The following TPO variants were observed in gnomAD, a reference collection of about 807,000 sequenced individuals.
TPO encodes the protein thyroid peroxidase, also known as thyroid microsomal antigen.
Under a neutral mutation model 96.9 loss-of-function variants are expected in TPO, and 78 were observed. The ratio of observed to expected loss-of-function variants is 0.81; its 90% CI spans 0.67 to 0.97. The LOEUF is 0.97. TPO is among the 50% of genes least tolerant of loss of function. The pLI, the probability that TPO is intolerant of heterozygous loss-of-function variation, is 0.00. For synonymous variants in TPO, 547 were observed against 538.0 expected (o/e 1.02, Z -0.23); for missense variants, 1,252 against 1,274.8 (o/e 0.98, Z 0.27).
chr2:1,529,677 G>C (rs1178205657), intron 15 of TPO, among the ~76,000 whole-genome samples: 5 of 72,376 alleles, frequency 6.9e-5, no homozygotes, highest in African/African-American at 1.2e-4. Context: ...CCCACTGTGT[G>C]CAACCTCCTC....
intron 7 of TPO, among the ~76,000 whole-genome samples, chr2:1,469,194 A>G (rs903852703): frequency 6.6e-6 from 1 of 152,018 alleles, no homozygotes; most frequent in African/African-American, 2.4e-5. Flanking sequence ...AACCTTCTGA[A>G]TTCTTTTTCA....
intron 14 of TPO, among the ~76,000 whole-genome samples, chr2:1,506,108 T>C (rs1439070083): frequency 2.0e-5 from 3 of 152,004 alleles, no homozygotes; most frequent in Admixed American, 1.3e-4. Context: ...CATTGTTCAA[T>C]TCTCACCTAT....
chr2:1,433,519 T>A lies in TPO; in HGVS notation c.261T>A (p.Ile87=). 1.2e-6 allele frequency: 2 copies of A among 1,614,248 alleles called. No homozygotes were observed. The highest frequency in any genetic ancestry group is 1.7e-6 in the Non-Finnish European group (2 of 1,180,046). Residue 87 remains isoleucine (I), a synonymous_variant, in exon 4 of 17, where the codon ATT becomes ATA. Transcript: ENST00000329066. ...TTCCTGAGCCAACAAGCGGAGTGAT[T>A]GCCCGAGCAGCAGAGATAATGGAAA... ...SKLPEPTSGV[I]ARAAEIMETS...
At chr2:1,387,441 CTCACT>C (rs1310787071) in intron 1 of TPO, among the ~76,000 whole-genome samples, 1 of 152,180 alleles carries the variant, frequency 6.6e-6, no homozygotes, top group African/African-American at 2.4e-5. Flanking sequence ...AACTTCTCTT[CTCACT>C]TCACTTCATT....
In TPO at chr2:1,504,056, G is replaced by T. The variant is rs1171923046; in HGVS notation, c.2495G>T (p.Gly832Val). The T allele has an allele frequency of 1.2e-6, 2 of 1,614,086 alleles. No homozygotes were observed. The highest frequency in any genetic ancestry group is 1.7e-6 in the Non-Finnish European group (2 of 1,180,050). ...QCLCADPYEL[G>V]DDGRTCVDSG... Reference sequence around the variant, plus strand: ...CTCTGCGCGGACCCCTACGAGTTAGGAGACGATGGGAGAACCTGCGTAGGT... The same window carrying T: ...CTCTGCGCGGACCCCTACGAGTTAGTAGACGATGGGAGAACCTGCGTAGGT... Residue 832 changes from glycine to valine, a missense_variant, in exon 14 of 17, where the codon GGA becomes GTA. Transcript: ENST00000329066.
chr2:1,386,395 A>C (rs1661895860), intron 1 of TPO, among the ~76,000 whole-genome samples: 1 of 152,078 alleles, frequency 6.6e-6, no homozygotes, highest in African/African-American at 2.4e-5. Context: ...AATCTGGGCG[A>C]TCCTGTATTA....
rs1054138837 is a variant in TPO at position 1,484,690 on chromosome 2, A to G, written c.1433A>G (p.Asn478Ser). ...TATGAAGGCTATGACTCCACCGCCA[A>G]CCCCACTGTGTCCAACGTGTTCTCC... is the stretch of plus-strand genomic sequence containing the variant. Reference protein sequence around the residue: ...GPYEGYDSTANPTVSNVFSTA... With the variant: ...GPYEGYDSTASPTVSNVFSTA... The change falls in exon 9 of 17, where the codon AAC becomes AGC. Residue 478 changes from asparagine to serine, a missense_variant. Physicochemically the swap from Asn to Ser is conservative, Grantham distance 46. Transcript: ENST00000329066. 1 of 1,613,788 alleles carries G rather than the reference A, an allele frequency of 6.2e-7. No individual in the cohort carries two copies. The highest frequency in any genetic ancestry group is 1.3e-5 in the African/African-American group (1 of 74,940).
At chr2:1,429,093 A>C (rs1280343572) in intron 3 of TPO, among the ~76,000 whole-genome samples, 1 of 152,198 alleles carries the variant, frequency 6.6e-6, no homozygotes, top group Admixed American at 6.5e-5. Context: ...ATGTACATGA[A>C]GTTATTTCTA....
Position 1,542,699 on chromosome 2 carries a change from C to T in TPO, c.*225C>T, listed in dbSNP as rs1680897490. Reference sequence around the variant, plus strand: ...ATTGCCTGATTTGTTCCTTCTGGGGCTTTGCCATTAAAATGTATTTACAGA... The same window carrying T: ...ATTGCCTGATTTGTTCCTTCTGGGGTTTTGCCATTAAAATGTATTTACAGA... On this transcript the variant is annotated 3_prime_UTR_variant, in exon 17 of 17. Transcript: ENST00000329066. The T allele has an allele frequency of 7.4e-7, 1 of 1,345,332 alleles. No homozygotes were observed. Among genetic ancestry groups the T allele is most frequent in the South Asian group, 1.4e-5 (1 of 70,246 alleles). 83.3% of individuals were successfully genotyped at this position (1,345,332 alleles called of 1,614,324 possible). A position where few individuals can be genotyped will look rare whatever the true frequency, so the allele number is the denominator to read the frequency against.
chr2:1,396,003 C>G (rs1249872077), intron 1 of TPO, among the ~76,000 whole-genome samples: 1 of 152,204 alleles, frequency 6.6e-6, no homozygotes. Context: ...TGAAAACAGA[C>G]TAATACAATG....
At chr2:1,472,761 T>C (rs10171105) in intron 7 of TPO, among the ~76,000 whole-genome samples, 97,788 of 147,192 alleles carry the variant, frequency 0.66, 32,910 homozygotes, top group African/African-American at 0.81. Flanking sequence ...TACCCCTTAC[T>C]CACATTCGCC....
rs1399984389 is a variant in TPO, at chr2:1,534,427, A to T, written c.2619-6167A>T. ...CCCCAAATCCGCCCCCACCCTGTGCAGCCTCACAAAATTACCCCCAGTGCA... is the reference window on the plus strand; with the variant it reads ...CCCCAAATCCGCCCCCACCCTGTGCTGCCTCACAAAATTACCCCCAGTGCA... On this transcript the variant is annotated intron_variant, in intron 15 of 16. Coordinates refer to ENST00000329066, the MANE Select transcript of TPO (RefSeq NM_001206744.2). 8.3e-5 allele frequency among the ~76,000 whole-genome samples: 7 copies of T among 84,056 alleles called. 1 individual carries two copies. The highest frequency in any genetic ancestry group is 1.6e-4 in the Non-Finnish European group (7 of 43,430). The allele number at this position is 84,056 out of a possible 152,430, so 55.1% of individuals were successfully genotyped here. A position where few individuals can be genotyped will look rare whatever the true frequency, so the allele number is the denominator to read the frequency against.
intron 3 of TPO, among the ~76,000 whole-genome samples, chr2:1,425,609 G>A (rs1336337617): frequency 1.3e-5 from 2 of 152,146 alleles, no homozygotes; most frequent in Non-Finnish European, 2.9e-5. Flanking sequence ...CTAGATGCCA[G>A]GATACAGAGA....
chr2:1,432,303 G>T (rs1338349237), intron 3 of TPO, among the ~76,000 whole-genome samples: 1 of 152,284 alleles, frequency 6.6e-6, no homozygotes, highest in Non-Finnish European at 1.5e-5. Context: ...GATCCACCCA[G>T]GTGTTGGCAG....
rs3036105 is a variant in TPO at position 1,480,559 on chromosome 2, T to TACACACACACACACACACACACAC, written c.1338+2978_1338+3001dup. Among the ~76,000 whole-genome samples, 51 of 44,358 alleles carry TACACACACACACACACACACACAC rather than the reference T, an allele frequency of 1.1e-3. 2 individuals carry two copies. The highest frequency in any genetic ancestry group is 1.5e-3 in the Non-Finnish European group (36 of 24,628). The allele number at this position is 44,358 out of a possible 152,430, so 29.1% of individuals were successfully genotyped here. ...CCCCTCTATCACCCCTCAAACCCCC[T>TACACACACACACACACACACACAC]ACACACACACACACACACACACACA... On this transcript the variant is annotated intron_variant, in intron 8 of 16. Transcript: ENST00000329066.
At chr2:1,502,105 G>A (rs1489164557) in intron 13 of TPO, among the ~76,000 whole-genome samples, 1 of 151,970 alleles carries the variant, frequency 6.6e-6, no homozygotes, top group African/African-American at 2.4e-5. Context: ...AGCGTTCATG[G>A]GTGATGACTT....
chr2:1,388,825 A>C (rs1041011436), intron 1 of TPO, among the ~76,000 whole-genome samples: 1 of 152,116 alleles, frequency 6.6e-6, no homozygotes, highest in Admixed American at 6.6e-5. Flanking sequence ...TGTAGACTGG[A>C]GCTCTTCCTA....
Position 1,443,571 on chromosome 2 carries a change from G to T in TPO, c.482+7187G>T, listed in dbSNP as rs187499138. Among the ~76,000 whole-genome samples, 325 of 148,966 alleles carry T rather than the reference G, an allele frequency of 2.2e-3. 1 individual carries two copies. In the Middle Eastern group the frequency reaches 0.026, roughly 12 times the overall value. On this transcript the variant is annotated intron_variant, in intron 5 of 16. Coordinates refer to ENST00000329066, the MANE Select transcript of TPO (RefSeq NM_001206744.2). Reference sequence around the variant, plus strand: ...CACCATGTTGGAAGGGAAAGGGCAGGCTCCTTCTTGTTTGTATGATCCAGT... The same window carrying T: ...CACCATGTTGGAAGGGAAAGGGCAGTCTCCTTCTTGTTTGTATGATCCAGT...
intron 15 of TPO, among the ~76,000 whole-genome samples, chr2:1,530,879 A>T (rs1303400352): frequency 9.0e-6 from 1 of 110,766 alleles, no homozygotes. Flanking sequence ...AACCTCCGCA[A>T]ATCCCCCCAC....
Sources: allele counts gnomAD v4.1 joint callset (sites outside exome capture counted in the v4.1 genomes callset), GRCh38; gene constraint gnomAD v4.1.1; transcripts MANE v1.5; gene names NCBI Gene and HGNC (gene_info 2026-07-23, HGNC 2026-07-21).